The following WDR45B variants were observed in gnomAD, a reference collection of about 807,000 sequenced individuals.
The protein encoded by WDR45B is WD repeat domain 45B.
In WDR45B, 20 loss-of-function variants were observed where a neutral mutation model predicts 44.6. The observed-to-expected ratio is 0.45, with a 90% CI of 0.32 to 0.65. WDR45B has a LOEUF of 0.65. Ranked by LOEUF, WDR45B falls within the 30% of genes least tolerant of loss-of-function variation. The pLI is 0.05. For synonymous variants in WDR45B, 169 were observed against 164.9 expected (o/e 1.02, Z -0.19); for missense variants, 323 against 430.2 (o/e 0.75, Z 2.20).
At chr17:82,622,674 C>T (rs912210232) in intron 5 of WDR45B, among the ~76,000 whole-genome samples, 1 of 152,106 alleles carries the variant, frequency 6.6e-6, no homozygotes, top group Non-Finnish European at 1.5e-5. Flanking sequence ...CCTTGTGATC[C>T]ACCTGCCTTG....
intron 5 of WDR45B, among the ~76,000 whole-genome samples, chr17:82,625,078 G>T (rs190303607): frequency 1.3e-5 from 2 of 152,188 alleles, no homozygotes; most frequent in Admixed American, 6.5e-5. Context: ...GGAAAGGCTT[G>T]AGTCCAGAAC....
intron 8 of WDR45B, 54 bp from the exon 9 acceptor site, chr17:82,616,699 C>T (rs886932668): frequency 1.2e-6 from 2 of 1,610,976 alleles, no homozygotes; most frequent in Admixed American, 1.7e-5. Flanking sequence ...AAAAAAATCA[C>T]CTGCGTAAGC....
chr17:82,639,483 C>G (rs989249361), intron 2 of WDR45B, among the ~76,000 whole-genome samples: 1 of 152,032 alleles, frequency 6.6e-6, no homozygotes, highest in Non-Finnish European at 1.5e-5. Flanking sequence ...CCCTTTCCAC[C>G]TCCTTCCCAA....
At chr17:82,633,473 CAA>C (rs1373091150) in intron 2 of WDR45B, among the ~76,000 whole-genome samples, 3 of 152,150 alleles carry the variant, frequency 2.0e-5, no homozygotes, top group Non-Finnish European at 4.4e-5. Flanking sequence ...TCAGAGACAT[CAA>C]AACCAAACCA....
chr17:82,617,557 C>A (rs1465541010), intron 7 of WDR45B, 160 bp from the exon 8 acceptor site: 1 of 718,652 alleles, frequency 1.4e-6, no homozygotes, highest in South Asian at 1.5e-5. Context: ...GACAACCATC[C>A]CCACAGCACC....
chr17:82,646,649 CTTAA>C (rs1477477144), intron 1 of WDR45B, among the ~76,000 whole-genome samples: 1 of 152,092 alleles, frequency 6.6e-6, no homozygotes, highest in Non-Finnish European at 1.5e-5. Flanking sequence ...TATTCAATTT[CTTAA>C]TTGTTAGTGA....
intron 2 of WDR45B, among the ~76,000 whole-genome samples, chr17:82,636,339 T>C (rs1354240820): frequency 1.4e-5 from 2 of 145,578 alleles, no homozygotes; most frequent in South Asian, 2.2e-4. Flanking sequence ...GTTTTAAAAA[T>C]GGAAAGAAAA....
intron 2 of WDR45B, among the ~76,000 whole-genome samples, chr17:82,641,448 C>T (rs771247556): frequency 5.9e-5 from 9 of 152,090 alleles, no homozygotes; most frequent in Non-Finnish European, 1.3e-4. Context: ...GTGTGTTAGG[C>T]CCTCAGGAAC....
At chr17:82,645,847 G>A (rs564167014) in intron 1 of WDR45B, among the ~76,000 whole-genome samples, 3 of 152,290 alleles carry the variant, frequency 2.0e-5, no homozygotes, top group Admixed American at 6.5e-5. Context: ...ATCTGGCCGG[G>A]CACGGTGGCT....
At chr17:82,647,760 G>A (rs556970259) in intron 1 of WDR45B, among the ~76,000 whole-genome samples, 163 of 152,058 alleles carry the variant, frequency 1.1e-3, no homozygotes, top group Non-Finnish European at 1.8e-3. Context: ...CGGCTCCGCG[G>A]CTCCAGTAAA....
intron 5 of WDR45B, among the ~76,000 whole-genome samples, chr17:82,623,919 C>G (rs1177380453): frequency 6.6e-6 from 1 of 151,930 alleles, no homozygotes; most frequent in East Asian, 1.9e-4. Flanking sequence ...ACGGCTACAG[C>G]TAGAAAGACC....
Position 82,615,648 on chromosome 17 carries a change from T to G in WDR45B, c.*271A>C, listed in dbSNP as rs1266222157. The G allele has an allele frequency of 2.0e-5, 10 of 503,832 alleles. No homozygotes were observed. The highest frequency in any genetic ancestry group is 1.7e-4 in the African/African-American group (9 of 51,506). 31.2% of individuals were successfully genotyped at this position (503,832 alleles called of 1,614,324 possible). A position where few individuals can be genotyped will look rare whatever the true frequency, so the allele number is the denominator to read the frequency against. On this transcript the variant is annotated 3_prime_UTR_variant, in exon 10 of 10. Transcript: ENST00000392325. ...GAGGATGCGGCGGAGCCACTGAAGC[T>G]AACGTCACAGCTGAACTCATGGGAA...
intron 6 of WDR45B, among the ~76,000 whole-genome samples, chr17:82,619,488 C>T (rs2045584917): frequency 6.6e-6 from 1 of 151,696 alleles, no homozygotes; most frequent in African/African-American, 2.4e-5. Context: ...ATCTGAGAAG[C>T]ACTGTCCGAA....
At chr17:82,640,424 C>T (rs1242411834) in intron 2 of WDR45B, among the ~76,000 whole-genome samples, 2 of 151,374 alleles carry the variant, frequency 1.3e-5, no homozygotes, top group Non-Finnish European at 2.9e-5. Flanking sequence ...GATCTCGGCT[C>T]ACTGCAACCT....
rs1351676561 is a variant in WDR45B at position 82,616,009 on chromosome 17, G to A, written c.945C>T (p.Gly315=). The A allele has an allele frequency of 6.2e-7, 1 of 1,613,834 alleles. No homozygotes were observed. The highest frequency in any genetic ancestry group is 1.3e-5 in the African/African-American group (1 of 74,878). ...GGTTGAACAGGAATTTGTAGTAGCT[G>A]CCGTCTGCACAAATTGCTGGGATAG... ...PNAVIAICAD[G]SYYKFLFNPK... The change falls in exon 10 of 10, where the codon GGC becomes GGT. Residue 315 remains glycine (G), a synonymous_variant. Coordinates refer to ENST00000392325, the MANE Select transcript of WDR45B (RefSeq NM_019613.4).
chr17:82,630,076 G>A (rs563358963), intron 3 of WDR45B: 4 of 741,108 alleles, frequency 5.4e-6, no homozygotes, highest in Non-Finnish European at 6.5e-6. Flanking sequence ...GCCTCCTCCC[G>A]CCTGGCACTG....
chr17:82,641,526 C>A (rs549588311), intron 2 of WDR45B, among the ~76,000 whole-genome samples: 1 of 152,162 alleles, frequency 6.6e-6, no homozygotes, highest in African/African-American at 2.4e-5. Flanking sequence ...GATTGTGGGT[C>A]TGAAGAACCT....
intron 2 of WDR45B, among the ~76,000 whole-genome samples, chr17:82,636,816 G>C (rs2045838928): frequency 6.6e-6 from 1 of 151,746 alleles, no homozygotes; most frequent in Admixed American, 6.6e-5. Flanking sequence ...TGTTCCCTTG[G>C]TTACCTGTAC....
intron 2 of WDR45B, among the ~76,000 whole-genome samples, chr17:82,642,975 A>G (rs1449288728): frequency 6.6e-6 from 1 of 152,152 alleles, no homozygotes; most frequent in East Asian, 1.9e-4. Context: ...TCATTATCCC[A>G]TCATACATTT....
Sources: allele counts gnomAD v4.1 joint callset (sites outside exome capture counted in the v4.1 genomes callset), GRCh38; gene constraint gnomAD v4.1.1; transcripts MANE v1.5; gene names NCBI Gene and HGNC (gene_info 2026-07-23, HGNC 2026-07-21).